The following BCAS3 variants were observed in gnomAD, a reference collection of about 807,000 sequenced individuals.
BCAS3 encodes BCAS4/BCAS3 fusion.
Under a neutral mutation model 116.1 loss-of-function variants are expected in BCAS3, and 53 were observed. That is an observed-to-expected ratio of 0.46 (90% CI 0.37 to 0.57). The LOEUF (loss-of-function observed/expected upper bound fraction) is 0.57, where lower values mean the gene tolerates loss of function less well. Among genes scored for constraint, BCAS3 ranks in the 20% least tolerant of loss-of-function variants. The pLI is 0.00. For missense variants in BCAS3, 917 were observed against 1,165.4 expected (o/e 0.79, Z 3.10); for synonymous variants, 391 against 408.2 (o/e 0.96, Z 0.51).
intron 22 of BCAS3, among the ~76,000 whole-genome samples, chr17:61,262,502 TC>T (rs1336416976): frequency 6.6e-6 from 1 of 151,966 alleles, no homozygotes; most frequent in Non-Finnish European, 1.5e-5. Flanking sequence ...TGCTTCAGCC[TC>T]CCAAGTAGCT....
At chr17:61,345,126 G>A (rs2057428016) in intron 22 of BCAS3, among the ~76,000 whole-genome samples, 1 of 152,148 alleles carries the variant, frequency 6.6e-6, no homozygotes, top group Admixed American at 6.5e-5. Context: ...GAAAAGAAGT[G>A]ACAAGGGCAA....
intron 5 of BCAS3, among the ~76,000 whole-genome samples, chr17:60,715,488 CTTAT>C (rs1598258279): frequency 6.6e-6 from 1 of 151,840 alleles, no homozygotes; most frequent in African/African-American, 2.4e-5. Context: ...TATCATACTT[CTTAT>C]TTATTTTTTA....
rs534416225 is a variant in BCAS3 at position 61,387,461 on chromosome 17, C to T, written c.2594-4516C>T. ...ATGGGCTCCATATGGAGTGGGGCAG[C>T]ATGAGGATCCAGCTTGCTTTTTTTT... On this transcript the variant is annotated intron_variant, in intron 23 of 23. Transcript: ENST00000407086. This position sits in a 1 kb window ranked among gnomAD's most constrained non-coding sequence, Gnocchi z 6.2. Among the ~76,000 whole-genome samples the T allele has an allele frequency of 1.1e-4, 17 of 152,320 alleles. No homozygotes were observed. Among genetic ancestry groups the T allele is most frequent in the Admixed American group, 4.6e-4 (7 of 15,306 alleles).
chr17:60,990,182 G>A lies in BCAS3; in HGVS notation c.1433G>A (p.Arg478His), dbSNP rs750287812. The change falls in exon 15 of 24, where the codon CGC becomes CAC. Residue 478 changes from arginine (R) to histidine (H), a missense_variant. Around this residue, in one of 3 missense-constraint regions of BCAS3, gnomAD observed 807 missense variants for 1,026.0 expected, o/e 0.79. Coordinates refer to ENST00000407086, the MANE Select transcript of BCAS3 (RefSeq NM_017679.5). This position sits in a 1 kb window ranked among gnomAD's most constrained non-coding sequence, Gnocchi z 5.1. ...EQELTSKQGG[R>H]CSPVPGLSSS... ...GAACTGACGTCTAAGCAAGGAGGTC[G>A]CTGTAGCCCTGTTCCAGGTCTATCA... is the stretch of plus-strand genomic sequence containing the variant. 8.1e-6 allele frequency: 13 copies of A among 1,614,046 alleles called. No individual in the cohort carries two copies. Among genetic ancestry groups the A allele is most frequent in the African/African-American group, 8.0e-5 (6 of 74,912 alleles).
At chr17:60,881,500 T>C (rs1353273617) in intron 9 of BCAS3, among the ~76,000 whole-genome samples, 1 of 151,870 alleles carries the variant, frequency 6.6e-6, no homozygotes, top group African/African-American at 2.4e-5. Context: ...GCAGGTTAGT[T>C]ACATATGTAT....
At chr17:60,966,664 T>C (rs2061679498) in intron 14 of BCAS3, among the ~76,000 whole-genome samples, 1 of 121,756 alleles carries the variant, frequency 8.2e-6, no homozygotes, top group East Asian at 2.0e-4. Flanking sequence ...TCACCCAACT[T>C]TTTTTTTTTT....
intron 16 of BCAS3, among the ~76,000 whole-genome samples, chr17:61,031,112 G>A (rs756576432): frequency 1.9e-4 from 29 of 151,924 alleles, no homozygotes; most frequent in Non-Finnish European, 4.0e-4. Flanking sequence ...TTCTAAACTT[G>A]CAAATGTTCT....
chr17:61,223,675 G>T (rs750807121), intron 22 of BCAS3, among the ~76,000 whole-genome samples: 6 of 152,060 alleles, frequency 3.9e-5, no homozygotes, highest in Non-Finnish European at 7.4e-5. Context: ...AAGATATCAA[G>T]GTTCTTTTCA....
Position 61,013,887 on chromosome 17 carries a change from G to A in BCAS3, c.1487-1864G>A, listed in dbSNP as rs1479261857. ...CATCTTGTTACGATTTTTTAGAAAG[G>A]CACTTTTGACTTTTCACTACCTCTC... is the stretch of plus-strand genomic sequence containing the variant. On this transcript the variant is annotated intron_variant, in intron 15 of 23. Transcript: ENST00000407086. This position sits in a 1 kb window ranked among gnomAD's most constrained non-coding sequence, Gnocchi z 4.4. 6.6e-6 allele frequency among the ~76,000 whole-genome samples: 1 copy of A among 151,968 alleles called. No homozygotes were observed. Among genetic ancestry groups the A allele is most frequent in the African/African-American group, 2.4e-5 (1 of 41,396 alleles).
rs4968555 is a variant in BCAS3 at position 61,364,287 on chromosome 17, T to A, written c.2426-4040T>A. On this transcript the variant is annotated intron_variant, in intron 22 of 23. Coordinates refer to ENST00000407086, the MANE Select transcript of BCAS3 (RefSeq NM_017679.5). The surrounding 1 kb of genome is among the most constrained non-coding windows in gnomAD (Gnocchi z 5.4). ...TCTCCTGTGTGCCATCCCGTAAACA[T>A]GGTGACTCATCGTCACCACCACCAA... Among the ~76,000 whole-genome samples the A allele has an allele frequency of 0.95, 144,299 of 152,330 alleles. 68,391 individuals carry two copies. Among genetic ancestry groups the A allele is most frequent in the East Asian group, 1 (5,182 of 5,184 alleles).
Position 61,375,994 on chromosome 17 carries a change from T to TGTG in BCAS3, c.2593+7509_2593+7511dup, listed in dbSNP as rs550008249. Among the ~76,000 whole-genome samples, 116 of 152,334 alleles carry TGTG rather than the reference T, an allele frequency of 7.6e-4. 1 individual carries two copies. Among genetic ancestry groups the TGTG allele is most frequent in the African/African-American group, 2.6e-3 (106 of 41,562 alleles). On this transcript the variant is annotated intron_variant, in intron 23 of 23. Transcript: ENST00000407086. ...TTGACTTTGCAGACATTTCAGAAGATGTGGTGGTGGTTAGAATTTTCTGCA... is the reference window on the plus strand; with the variant it reads ...TTGACTTTGCAGACATTTCAGAAGATGTGGTGGTGGTGGTTAGAATTTTCTGCA...
rs2081710357 is a variant in BCAS3 at position 61,215,128 on chromosome 17, A to C, written c.2425+130564A>C. On this transcript the variant is annotated intron_variant, in intron 22 of 23. Coordinates refer to ENST00000407086, the MANE Select transcript of BCAS3 (RefSeq NM_017679.5). This position sits in a 1 kb window ranked among gnomAD's most constrained non-coding sequence, Gnocchi z 4.8. ...ATCTACCCCTTGACTTAATCTAATT[A>C]TTTTCAGTTCAGGGAGCTTCCTGAA... Among the ~76,000 whole-genome samples, 1 of 152,178 alleles carries C rather than the reference A, an allele frequency of 6.6e-6. No homozygotes were observed. Among genetic ancestry groups the C allele is most frequent in the South Asian group, 2.1e-4 (1 of 4,832 alleles).
intron 22 of BCAS3, among the ~76,000 whole-genome samples, chr17:61,303,415 C>T (rs1447149952): frequency 2.6e-5 from 4 of 152,282 alleles, no homozygotes; most frequent in South Asian, 2.1e-4. Flanking sequence ...TGGGCTTCAC[C>T]GAGCAATTAG....
intron 22 of BCAS3, among the ~76,000 whole-genome samples, chr17:61,342,509 G>T (rs748266104): frequency 1.3e-5 from 2 of 152,192 alleles, no homozygotes; most frequent in African/African-American, 2.4e-5. Flanking sequence ...GTGAGGCAGT[G>T]TGGCAGTCCA....
At position 61,376,509 on chromosome 17, in the gene BCAS3, A is replaced by G. The variant is rs2143584281; in HGVS notation, c.2593+8015A>G. Among the ~76,000 whole-genome samples, 1 of 152,332 alleles carries G rather than the reference A, an allele frequency of 6.6e-6. No individual in the cohort carries two copies. Among genetic ancestry groups the G allele is most frequent in the Non-Finnish European group, 1.5e-5 (1 of 68,028 alleles). On this transcript the variant is annotated intron_variant, in intron 23 of 23. Transcript: ENST00000407086. The surrounding 1 kb of genome is among the most constrained non-coding windows in gnomAD (Gnocchi z 4.5). The stretch of plus-strand genomic sequence containing the variant: ...GTTAGTCTTTCGGCCTCCTGAAAGT[A>G]GGAATCGCTCTCCTCTCCAGGATCC...
chr17:60,769,401 C>G (rs1296118443), intron 6 of BCAS3, among the ~76,000 whole-genome samples: 2 of 152,128 alleles, frequency 1.3e-5, no homozygotes, highest in African/African-American at 4.8e-5. Flanking sequence ...ATACAACAGC[C>G]TGCAGTAGCG....
chr17:61,311,903 CAT>C (rs4011672), intron 22 of BCAS3, among the ~76,000 whole-genome samples: 46,914 of 151,356 alleles, frequency 0.31, 10,857 homozygotes, highest in African/African-American at 0.66. Context: ...CAAAAAAAAG[CAT>C]ATATATATAT....
intron 22 of BCAS3, among the ~76,000 whole-genome samples, chr17:61,114,356 A>G (rs1345510332): frequency 6.9e-6 from 1 of 144,992 alleles, no homozygotes; most frequent in African/African-American, 2.5e-5. Flanking sequence ...TCTCAGCCCA[A>G]AATCTCCTTA....
At chr17:60,854,542 A>G (rs1421744306) in intron 7 of BCAS3, among the ~76,000 whole-genome samples, 1 of 152,242 alleles carries the variant, frequency 6.6e-6, no homozygotes, top group East Asian at 1.9e-4. Flanking sequence ...AAGGATATGA[A>G]CAGACACTTC....
Sources: allele counts gnomAD v4.1 joint callset (sites outside exome capture counted in the v4.1 genomes callset), GRCh38; gene constraint gnomAD v4.1.1; regional missense constraint gnomAD v4.1.1; non-coding constraint Gnocchi (gnomAD v3.1); transcripts MANE v1.5; gene names NCBI Gene and HGNC (gene_info 2026-07-23, HGNC 2026-07-21).